Variants in PRRC2A observed in about 807,000 individuals in gnomAD.
The protein encoded by PRRC2A is proline rich coiled-coil 2A.
A neutral mutation model predicts 224.6 loss-of-function variants in PRRC2A; 59 were observed. The observed-to-expected ratio is 0.26, with a 90% confidence interval of 0.21 to 0.33. The LOEUF (loss-of-function observed/expected upper bound fraction) is 0.33. PRRC2A is among the 10% of genes least tolerant of loss of function. The probability of loss-of-function intolerance (pLI) is 1.00; values close to 1 mark genes in which losing one functional copy is unlikely to be tolerated. For missense variants in PRRC2A, 3,095 were observed against 2,880.7 expected, an observed-to-expected ratio of 1.07 and a Z score of -1.70; for synonymous variants, 1,194 against 1,109.5, an observed-to-expected ratio of 1.08 and a Z score of -1.51.
chr6:31,632,682 G>A lies in PRRC2A; in HGVS notation c.4009G>A (p.Asp1337Asn), dbSNP rs777250677. 5.0e-6 allele frequency: 8 copies of A among 1,613,134 alleles called. No homozygotes were observed. The highest frequency in any genetic ancestry group is 6.8e-6 in the Non-Finnish European group (8 of 1,180,034). Residue 1337 changes from aspartate (D) to asparagine (N), a missense_variant, in exon 16 of 31, where the codon GAC (aspartate) becomes AAC (asparagine). By Grantham distance (23) the Asp-to-Asn change is conservative (BLOSUM62 1). This residue lies in a region of PRRC2A where 2,001 missense variants were observed against 1,764.9 expected (regional missense o/e 1.13). Transcript: ENST00000376033. ...SSDFTSERRG[D>N]KEAPPPVLLT... The stretch of plus-strand genomic sequence containing the variant: ...TGACTTCACCAGTGAGCGCCGAGGG[G>A]ACAAAGAGGCACCCCCACCAGTACT...
chr6:31,636,597 C>G lies in PRRC2A; in HGVS notation c.5923C>G (p.Pro1975Ala). The G allele has an allele frequency of 6.2e-7, 1 of 1,602,772 alleles. No individual in the cohort carries two copies. The highest frequency in any genetic ancestry group is 8.5e-7 in the Non-Finnish European group (1 of 1,174,984). ...GQSGFLPSGAPAQQMLLPMVD... is the reference protein window; with the variant it reads ...GQSGFLPSGAAAQQMLLPMVD... Reference sequence around the variant, plus strand: ...AAGTGGCTTTCTCCCTTCAGGGGCTCCTGCCCAGCAGGTATATTGTATCTT... The same window carrying G: ...AAGTGGCTTTCTCCCTTCAGGGGCTGCTGCCCAGCAGGTATATTGTATCTT... The change falls in exon 27 of 31, where the codon CCT (proline) becomes GCT (alanine). Residue 1975 changes from proline to alanine, a missense_variant. Transcript: ENST00000376033. The surrounding 1 kb of genome is among the most constrained non-coding windows in gnomAD (Gnocchi z 4.3).
Position 31,631,431 on chromosome 6 carries a change from A to T in PRRC2A, c.2758A>T (p.Ser920Cys), listed in dbSNP as rs1776559272. Residue 920 changes from serine to cysteine, a missense_variant, in exon 16 of 31, where the codon AGT becomes TGT. Physicochemically the swap from Ser to Cys is moderately radical, Grantham distance 112. Transcript: ENST00000376033. The surrounding 1 kb of genome is among the most constrained non-coding windows in gnomAD (Gnocchi z 4.5). ...GGGCCCCCCACCACCACGCAGAGAGAGTCGCACAGAGACCCGCTGGGGCCC... is the reference window on the plus strand; with the variant it reads ...GGGCCCCCCACCACCACGCAGAGAGTGTCGCACAGAGACCCGCTGGGGCCC... ...GQGPPPPRRE[S>C]RTETRWGPRP... 2 of 1,610,094 alleles carry T rather than the reference A, an allele frequency of 1.2e-6. No homozygotes were observed. Among genetic ancestry groups the T allele is most frequent in the Non-Finnish European group, 1.7e-6 (2 of 1,178,822 alleles).
chr6:31,636,968 C>A lies in PRRC2A; in HGVS notation c.6147+23C>A, dbSNP rs76326784. The A allele has an allele frequency of 6.2e-7, 1 of 1,604,614 alleles. No homozygotes were observed. The highest frequency in any genetic ancestry group is 8.5e-7 in the Non-Finnish European group (1 of 1,174,082). ...GAGGTAAGGTACAGGAACTGAGGGG[C>A]TAGGGAGCGCCAAGACTTGGGAGTA... On this transcript the variant is annotated intron_variant, in intron 28 of 30. Coordinates refer to ENST00000376033, the MANE Select transcript of PRRC2A (RefSeq NM_004638.4). The surrounding 1 kb of genome is among the most constrained non-coding windows in gnomAD (Gnocchi z 4.3).
In PRRC2A at chr6:31,631,835, C is replaced by T. The variant is rs950797984; in HGVS notation, c.3162C>T (p.Phe1054=). The change falls in exon 16 of 31, where the codon TTC becomes TTT. Residue 1054 remains phenylalanine, a synonymous_variant. Coordinates refer to ENST00000376033, the MANE Select transcript of PRRC2A (RefSeq NM_004638.4). The surrounding 1 kb of genome is among the most constrained non-coding windows in gnomAD (Gnocchi z 4.5). The part of the protein sequence containing the change: ...GRGRGARSRE[F]RSYREFRGDD... ...GGCGGGGAGCCCGAAGCCGGGAATT[C>T]CGCAGTTACCGAGAGTTTCGAGGAG... The T allele has an allele frequency of 1.2e-6, 2 of 1,601,106 alleles. No homozygotes were observed. The highest frequency in any genetic ancestry group is 2.7e-5 in the African/African-American group (2 of 74,630).
In PRRC2A at chr6:31,636,003, A is replaced by G. The variant is rs1391011553; in HGVS notation, c.5578A>G (p.Asn1860Asp). ...GGAMDSQLHPNSGGFRPGTPS... is the reference protein window; with the variant it reads ...GGAMDSQLHPDSGGFRPGTPS... ...AGCCATGGACTCTCAATTACATCCA[A>G]ACAGTGGAGGCTTCCGCCCTGGGAC... The change falls in exon 25 of 31, where the codon AAC (asparagine) becomes GAC (aspartate). Residue 1860 changes from asparagine (N) to aspartate (D), a missense_variant. Asn to Asp is a conservative substitution (Grantham distance 23). Transcript: ENST00000376033. This position sits in a 1 kb window ranked among gnomAD's most constrained non-coding sequence, Gnocchi z 4.3. 1.2e-6 allele frequency: 2 copies of G among 1,613,384 alleles called. No homozygotes were observed. The highest frequency in any genetic ancestry group is 8.5e-7 in the Non-Finnish European group (1 of 1,179,550).
In PRRC2A at chr6:31,630,626, T is replaced by C; in HGVS notation, c.2290T>C (p.Ser764Pro). The C allele has an allele frequency of 6.2e-7, 1 of 1,613,988 alleles. No homozygotes were observed. The highest frequency in any genetic ancestry group is 1.3e-5 in the African/African-American group (1 of 74,972). ...CCGAGAGCGTTCAGACAGTGGGGGCTCAAGCTCAGAGCCATTTGACCGTCA... is the reference window on the plus strand; with the variant it reads ...CCGAGAGCGTTCAGACAGTGGGGGCCCAAGCTCAGAGCCATTTGACCGTCA... Reference protein sequence around the residue: ...VPRERSDSGGSSSEPFDRHAP... With the variant: ...VPRERSDSGGPSSEPFDRHAP... Residue 764 changes from serine (S) to proline (P), a missense_variant, in exon 15 of 31, where the codon TCA (serine) becomes CCA (proline). This residue lies in a region of PRRC2A where 2,001 missense variants were observed against 1,764.9 expected (regional missense o/e 1.13). Transcript: ENST00000376033.
intron 24 of PRRC2A, 106 bp from the exon 25 acceptor site, chr6:31,635,861 T>C: frequency 6.9e-7 from 1 of 1,449,008 alleles, no homozygotes; most frequent in Non-Finnish European, 9.3e-7. Flanking sequence ...GATACCACTT[T>C]GTCACATCAT....
intron 14 of PRRC2A, among the ~76,000 whole-genome samples, chr6:31,630,352 A>G (rs1776407759): frequency 6.6e-6 from 1 of 152,204 alleles, no homozygotes; most frequent in Non-Finnish European, 1.5e-5. Context: ...TCCATCTCAA[A>G]AATGAATGAA....
At position 31,626,005 on chromosome 6, in the gene PRRC2A, C is replaced by A; in HGVS notation, c.840-15C>A. On this transcript the variant is annotated splice_polypyrimidine_tract_variant and intron_variant, in intron 8 of 30. Transcript: ENST00000376033. ...TATACAACATGCCATATTTCATTTT[C>A]TTTTTTGTGTACAGCCGTTTTCCCC... The A allele has an allele frequency of 6.2e-7, 1 of 1,610,354 alleles. No individual in the cohort carries two copies. The highest frequency in any genetic ancestry group is 8.5e-7 in the Non-Finnish European group (1 of 1,178,804).
chr6:31,625,307 C>T lies in PRRC2A; in HGVS notation c.600C>T (p.Arg200=). ...EQSSGPGPSL[R]PQNSTTWRDG... is the part of the protein sequence containing the mutation. ...CGTCTGGGCCCGGACCAAGCCTCCG[C>T]CCCCAAAGTGAGTGGCTGCCTTTTG... is the stretch of plus-strand genomic sequence containing the variant. Residue 200 remains arginine, a synonymous_variant, in exon 6 of 31, where the codon CGC becomes CGT. Coordinates refer to ENST00000376033, the MANE Select transcript of PRRC2A (RefSeq NM_004638.4). This position sits in a 1 kb window ranked among gnomAD's most constrained non-coding sequence, Gnocchi z 4.1. 1 of 1,613,814 alleles carries T rather than the reference C, an allele frequency of 6.2e-7. No homozygotes were observed. Among genetic ancestry groups the T allele is most frequent in the East Asian group, 2.2e-5 (1 of 44,892 alleles).
chr6:31,624,353 C>T lies in PRRC2A; in HGVS notation c.383C>T (p.Ala128Val), dbSNP rs1354715389. 1.2e-6 allele frequency: 2 copies of T among 1,613,860 alleles called. No homozygotes were observed. The highest frequency in any genetic ancestry group is 1.7e-6 in the Non-Finnish European group (2 of 1,179,758). ...AACCAGCCGAAACGACCCCCAGCAG[C>T]CCCCGAGGTACCTGGAGAACTGGAG... ...ASNQPKRPPA[A>V]PENTPLVPSG... Residue 128 changes from alanine (A) to valine (V), a missense_variant, in exon 4 of 31, where the codon GCC becomes GTC. Transcript: ENST00000376033.
chr6:31,631,398 G>A lies in PRRC2A; in HGVS notation c.2725G>A (p.Gly909Arg), dbSNP rs757203109. ...GRKPARGVGS[G>R]GQGPPPPRRE... ...AAAGCCTGCCCGCGGAGTCGGGAGT[G>A]GAGGCCAGGGCCCCCCACCACCACG... Residue 909 changes from glycine (G) to arginine (R), a missense_variant, in exon 16 of 31, where the codon GGA (glycine) becomes AGA (arginine). By Grantham distance (125) the Gly-to-Arg change is moderately radical. This residue lies in a region of PRRC2A where 2,001 missense variants were observed against 1,764.9 expected (regional missense o/e 1.13). Transcript: ENST00000376033. The surrounding 1 kb of genome is among the most constrained non-coding windows in gnomAD (Gnocchi z 4.5). The A allele has an allele frequency of 2.6e-4, 415 of 1,607,660 alleles. No individual in the cohort carries two copies. The highest frequency in any genetic ancestry group is 3.5e-4 in the Non-Finnish European group (409 of 1,178,086).
chr6:31,620,924 T>TGGCGGTGGCGGCGGCGGC, intron 1 of PRRC2A, 66 bp downstream of exon 1: 1 of 155,978 alleles, frequency 6.4e-6, no homozygotes, highest in South Asian at 1.7e-4. Context: ...GCGGTGGCGG[T>TGGCGGTGGCGGCGGCGGC]GGCGGCGGCG....
In PRRC2A at chr6:31,635,613, T is replaced by C. The variant is rs1777243457; in HGVS notation, c.5405T>C (p.Leu1802Pro). The stretch of plus-strand genomic sequence containing the variant: ...CCTGTATCACGAGACTGGGAGCTGC[T>C]TCCCAGTGCTGCTGCCTCTGCTGAG... ...AIPVSRDWEL[L>P]PSAAASAEPQ... The change falls in exon 24 of 31, where the codon CTT becomes CCT. Residue 1802 changes from leucine to proline, a missense_variant. Leu to Pro is a moderately conservative substitution (Grantham distance 98). Coordinates refer to ENST00000376033, the MANE Select transcript of PRRC2A (RefSeq NM_004638.4). 6.2e-7 allele frequency: 1 copy of C among 1,611,922 alleles called. No individual in the cohort carries two copies. The highest frequency in any genetic ancestry group is 8.5e-7 in the Non-Finnish European group (1 of 1,179,392).
intron 21 of PRRC2A, 32 bp downstream of exon 21, chr6:31,635,009 T>G (rs745707825): frequency 3.1e-6 from 5 of 1,604,974 alleles, no homozygotes; most frequent in South Asian, 1.1e-5. Flanking sequence ...AGGGGAATGT[T>G]TCCAGGAATC....
rs1223301572 is a variant in PRRC2A, at chr6:31,631,330, C to T, written c.2657C>T (p.Pro886Leu). ...ACTCCACCACCCAAGAAGGAGCCCC[C>T]TAAGGAGGAGACTGCACAGCTGACG... ...IQTPPPKKEP[P>L]KEETAQLTGP... The change falls in exon 16 of 31, where the codon CCT becomes CTT. Residue 886 changes from proline to leucine, a missense_variant. By Grantham distance (98) the Pro-to-Leu change is moderately conservative. This residue lies in a region of PRRC2A where 2,001 missense variants were observed against 1,764.9 expected (regional missense o/e 1.13). Coordinates refer to ENST00000376033, the MANE Select transcript of PRRC2A (RefSeq NM_004638.4). The surrounding 1 kb of genome is among the most constrained non-coding windows in gnomAD (Gnocchi z 4.5). The T allele has an allele frequency of 1.2e-6, 2 of 1,605,026 alleles. No individual in the cohort carries two copies. The highest frequency in any genetic ancestry group is 1.3e-5 in the African/African-American group (1 of 74,430).
Position 31,625,604 on chromosome 6 carries a change from C to G in PRRC2A, c.752C>G (p.Pro251Arg). The change falls in exon 7 of 31, where the codon CCG becomes CGG. Residue 251 changes from proline (P) to arginine (R), a missense_variant. Pro to Arg is a moderately radical substitution (Grantham distance 103, BLOSUM62 -2). This residue lies in a region of PRRC2A where 287 missense variants were observed against 275.3 expected (regional missense o/e 1.04). Transcript: ENST00000376033. The surrounding 1 kb of genome is among the most constrained non-coding windows in gnomAD (Gnocchi z 4.1). ...TTCCCTCCCTACCGCGGAATGATGC[C>G]GCCTTTCGTGAGTCTTGGTGTCTTG... The part of the protein sequence containing the change: ...PQFPPYRGMM[P>R]PFMYPPYLPF... 1.9e-6 allele frequency: 3 copies of G among 1,577,756 alleles called. No individual in the cohort carries two copies. The highest frequency in any genetic ancestry group is 2.6e-6 in the Non-Finnish European group (3 of 1,160,374).
At position 31,627,968 on chromosome 6, in the gene PRRC2A, G is replaced by C. The variant is rs924320907; in HGVS notation, c.1494G>C (p.Gly498=). ...TCAAGCGACTCGATGAAAAGTTTGGGGCACCTGACAAGCGGCTCAAAGCAG... is the reference window on the plus strand; with the variant it reads ...TCAAGCGACTCGATGAAAAGTTTGGCGCACCTGACAAGCGGCTCAAAGCAG... The part of the protein sequence containing the change: ...EKLKRLDEKF[G]APDKRLKAEP... Residue 498 remains glycine, a synonymous_variant, in exon 12 of 31, where the codon GGG becomes GGC. Coordinates refer to ENST00000376033, the MANE Select transcript of PRRC2A (RefSeq NM_004638.4). This position sits in a 1 kb window ranked among gnomAD's most constrained non-coding sequence, Gnocchi z 5.6. 16 of 1,612,850 alleles carry C rather than the reference G, an allele frequency of 9.9e-6. No homozygotes were observed. Among genetic ancestry groups the C allele is most frequent in the Admixed American group, 3.3e-5 (2 of 59,994 alleles).
intron 14 of PRRC2A, among the ~76,000 whole-genome samples, chr6:31,630,055 G>A (rs1409838018): frequency 2.6e-5 from 4 of 152,194 alleles, no homozygotes; most frequent in Non-Finnish European, 5.9e-5. Context: ...TGTGGCTCAC[G>A]CCTGTAATCC....
Sources: allele counts gnomAD v4.1 joint callset (sites outside exome capture counted in the v4.1 genomes callset), GRCh38; gene constraint gnomAD v4.1.1; regional missense constraint gnomAD v4.1.1; non-coding constraint Gnocchi (gnomAD v3.1); transcripts MANE v1.5; gene names NCBI Gene and HGNC (gene_info 2026-07-23, HGNC 2026-07-21).